The following CSMD3 variants were observed in gnomAD, a reference collection of about 807,000 sequenced individuals.
CSMD3 encodes CUB and Sushi multiple domains 3.
Under a neutral mutation model 435.2 loss-of-function variants are expected in CSMD3, and 177 were observed. The ratio of observed to expected loss-of-function variants is 0.41; its 90% confidence interval spans 0.36 to 0.46. The LOEUF is 0.46. Among genes scored for constraint, CSMD3 ranks in the 20% least tolerant of loss-of-function variants. CSMD3 has a pLI of 0.34. For missense variants in CSMD3, 4,265 were observed against 4,504.6 expected (o/e 0.95, Z 1.52); for synonymous variants, 1,656 against 1,520.5 (o/e 1.09, Z -2.07).
At chr8:112,341,802 C>T in intron 41 of CSMD3, 116 bp from the exon 42 acceptor site, 1 of 758,956 alleles carries the variant, frequency 1.3e-6, no homozygotes, top group Middle Eastern at 3.5e-4. Context: ...AGTCAAGAGG[C>T]ATAATCTCAA....
intron 4 of CSMD3, among the ~76,000 whole-genome samples, chr8:113,126,056 A>G (rs981773968): frequency 6.6e-6 from 1 of 152,062 alleles, no homozygotes; most frequent in African/African-American, 2.4e-5. Context: ...CAGTATAATT[A>G]TCTCCATTTT....
At chr8:112,525,305 A>C (rs1419444139) in intron 27 of CSMD3, among the ~76,000 whole-genome samples, 1 of 149,992 alleles carries the variant, frequency 6.7e-6, no homozygotes, top group Non-Finnish European at 1.5e-5. Context: ...TACAAGCTGT[A>C]TAATTATATA....
At chr8:113,204,710 A>G (rs1007179687) in intron 3 of CSMD3, among the ~76,000 whole-genome samples, 12 of 152,120 alleles carry the variant, frequency 7.9e-5, no homozygotes, top group African/African-American at 2.9e-4. Flanking sequence ...TATTTTTACT[A>G]TACATTTTCT....
chr8:112,669,311 A>G (rs1026667358), intron 16 of CSMD3, among the ~76,000 whole-genome samples: 1 of 152,106 alleles, frequency 6.6e-6, no homozygotes, highest in Non-Finnish European at 1.5e-5. Flanking sequence ...GATTACAGGC[A>G]TGAGCCACTG....
At chr8:112,245,165 T>C (rs145259688) in intron 64 of CSMD3, among the ~76,000 whole-genome samples, 31 of 152,270 alleles carry the variant, frequency 2.0e-4, no homozygotes, top group African/African-American at 7.5e-4. Context: ...TGGATCCATA[T>C]GCTAGAAGTA....
intron 12 of CSMD3, among the ~76,000 whole-genome samples, chr8:112,817,830 G>A (rs138444001): frequency 2.6e-5 from 4 of 152,004 alleles, no homozygotes; most frequent in African/African-American, 7.2e-5. Context: ...TTAGCATGGC[G>A]TATGATGTCC....
intron 32 of CSMD3, among the ~76,000 whole-genome samples, chr8:112,424,453 G>A (rs1812843240): frequency 6.6e-6 from 1 of 151,992 alleles, no homozygotes; most frequent in South Asian, 2.1e-4. Context: ...GGTCTTCAAT[G>A]GTTTACAAAG....
At chr8:112,301,144 TTAAA>T (rs1180113047) in intron 53 of CSMD3, among the ~76,000 whole-genome samples, 1 of 151,982 alleles carries the variant, frequency 6.6e-6, no homozygotes, top group African/African-American at 2.4e-5. Context: ...TTTCTTAATA[TTAAA>T]TAAATTATTG....
chr8:112,852,817 T>G (rs179579), intron 11 of CSMD3, among the ~76,000 whole-genome samples: 145,270 of 151,994 alleles, frequency 0.96, 69,443 homozygotes, highest in South Asian at 0.99. Flanking sequence ...AGCTACTTGG[T>G]AGGCTGAGGC....
chr8:112,538,776 T>G (rs944223775), intron 27 of CSMD3: 1 of 152,028 alleles, frequency 6.6e-6, no homozygotes, highest in Admixed American at 6.6e-5. Flanking sequence ...CTACCCAAAG[T>G]CATTTACAAA....
At chr8:112,569,374 AC>A (rs1829318403) in intron 24 of CSMD3, among the ~76,000 whole-genome samples, 1 of 152,128 alleles carries the variant, frequency 6.6e-6, no homozygotes, top group Admixed American at 6.6e-5. Flanking sequence ...AACAAAATAA[AC>A]CCTGATTGTT....
At chr8:112,901,294 A>G (rs2130439619) in intron 10 of CSMD3, among the ~76,000 whole-genome samples, 1 of 151,446 alleles carries the variant, frequency 6.6e-6, no homozygotes, top group Middle Eastern at 3.4e-3. Context: ...GTCCATTTAA[A>G]TACAACATTA....
chr8:112,536,511 G>C (rs1443377665), intron 27 of CSMD3, among the ~76,000 whole-genome samples: 1 of 152,088 alleles, frequency 6.6e-6, no homozygotes, highest in Admixed American at 6.6e-5. Flanking sequence ...TCATTAAAAA[G>C]TCAGGAAACA....
At chr8:112,997,281 TTAAAA>T (rs2085688693) in intron 6 of CSMD3, among the ~76,000 whole-genome samples, 1 of 151,698 alleles carries the variant, frequency 6.6e-6, no homozygotes, top group South Asian at 2.1e-4. Context: ...TTTCACACAG[TTAAAA>T]TATTTTATTA....
chr8:112,663,969 G>A (rs765072977), intron 17 of CSMD3, among the ~76,000 whole-genome samples: 3 of 152,022 alleles, frequency 2.0e-5, no homozygotes, highest in Non-Finnish European at 4.4e-5. Context: ...GAGAGAGTAG[G>A]TTTCCCTTGT....
At chr8:112,723,151 C>T (rs940209480) in intron 13 of CSMD3, among the ~76,000 whole-genome samples, 1 of 151,788 alleles carries the variant, frequency 6.6e-6, no homozygotes, top group Non-Finnish European at 1.5e-5. Context: ...TATGCAAAAT[C>T]ATTTGCATAG....
At chr8:112,810,351 G>T (rs1233635532) in intron 12 of CSMD3, among the ~76,000 whole-genome samples, 1 of 143,736 alleles carries the variant, frequency 7.0e-6, no homozygotes, top group African/African-American at 2.6e-5. Context: ...TAAATGGAAG[G>T]ATAATTTAGA....
At chr8:112,380,477 G>T in intron 37 of CSMD3, 21 bp from the exon 38 acceptor site, 1 of 1,182,616 alleles carries the variant, frequency 8.5e-7, no homozygotes, top group Non-Finnish European at 1.3e-6. Context: ...ATATGAGAAG[G>T]CAAGACAATG....
chr8:112,259,438 CA>C (rs767913806), intron 61 of CSMD3, among the ~76,000 whole-genome samples: 3 of 152,054 alleles, frequency 2.0e-5, no homozygotes, highest in Admixed American at 6.5e-5. Context: ...TGGGGCCTGT[CA>C]GGGGGTGAGG....
Sources: allele counts gnomAD v4.1 joint callset (sites outside exome capture counted in the v4.1 genomes callset), GRCh38; gene constraint gnomAD v4.1.1; transcripts MANE v1.5; gene names NCBI Gene and HGNC (gene_info 2026-07-23, HGNC 2026-07-21).